SLC25A36: variants seen among roughly 807,000 people sequenced by gnomAD.
The protein encoded by SLC25A36 is solute carrier family 25 member 36.
A neutral mutation model predicts 35.3 loss-of-function variants in SLC25A36; 24 were observed. The observed-to-expected ratio is 0.68, with a 90% confidence interval of 0.49 to 0.96. The LOEUF (loss-of-function observed/expected upper bound fraction) is 0.96, where lower values mean the gene tolerates loss of function less well. Among genes scored for constraint, SLC25A36 ranks in the 40% least tolerant of loss-of-function variants. SLC25A36 has a pLI of 0.00. For missense variants in SLC25A36, 294 were observed against 381.1 expected, an observed-to-expected ratio of 0.77 and a Z score of 1.90; for synonymous variants, 141 against 132.2, an observed-to-expected ratio of 1.07 and a Z score of -0.46.
At chr3:140,946,405 T>C (rs1299492863) in intron 1 of SLC25A36, among the ~76,000 whole-genome samples, 1 of 152,200 alleles carries the variant, frequency 6.6e-6, no homozygotes, top group Non-Finnish European at 1.5e-5. Context: ...TAAAGGACTT[T>C]GACCTTTTCT....
At chr3:140,957,274 G>C (rs565163935) in intron 2 of SLC25A36, among the ~76,000 whole-genome samples, 43 of 152,264 alleles carry the variant, frequency 2.8e-4, no homozygotes, top group African/African-American at 8.4e-4. Context: ...GAATGCCTTC[G>C]TGTCTGCCTT....
In SLC25A36 at chr3:140,961,952, A is replaced by T. The variant is rs1455906126; in HGVS notation, c.285-1175A>T. Among the ~76,000 whole-genome samples, 6 of 150,966 alleles carry T rather than the reference A, an allele frequency of 4.0e-5. No individual in the cohort carries two copies. In the East Asian group the frequency reaches 1.2e-3, roughly 29 times the overall value. On this transcript the variant is annotated intron_variant, in intron 3 of 6. Transcript: ENST00000324194. The stretch of plus-strand genomic sequence containing the variant: ...GCTGGCTACTGTCCATCTTTTTTAA[A>T]TACTTACCAAATGGACTAAGAGGGA...
rs983743875 is a variant in SLC25A36 at position 140,941,862 on chromosome 3, A to G, written c.-193A>G. On this transcript the variant is annotated 5_prime_UTR_variant, in exon 1 of 7. Transcript: ENST00000324194. ...GCCTCTGGTGAAGGGCGGCGCGCTTAGGCAGGCGGTGGCGCGGCTGGAGTG... is the reference window on the plus strand; with the variant it reads ...GCCTCTGGTGAAGGGCGGCGCGCTTGGGCAGGCGGTGGCGCGGCTGGAGTG... 6 of 493,132 alleles carry G rather than the reference A, an allele frequency of 1.2e-5. No individual in the cohort carries two copies. The highest frequency in any genetic ancestry group is 6.2e-5 in the African/African-American group (3 of 48,628). 30.5% of individuals were successfully genotyped at this position (493,132 alleles called of 1,614,324 possible).
chr3:140,943,048 A>G (rs903146796), intron 1 of SLC25A36, among the ~76,000 whole-genome samples: 5 of 152,224 alleles, frequency 3.3e-5, no homozygotes, highest in Admixed American at 3.3e-4. Flanking sequence ...GATTGCCAAA[A>G]TGAGTGTTAG....
rs190280509 is a variant in SLC25A36, at chr3:140,949,668, C to G, written c.42-6859C>G. ...TGACATTTAACAGTGTTGTTAGATT[C>G]GTAACCAAGAAACTCTCCTTTCTGA... is the stretch of plus-strand genomic sequence containing the variant. On this transcript the variant is annotated intron_variant, in intron 1 of 6. Transcript: ENST00000324194. Among the ~76,000 whole-genome samples, 6 of 152,216 alleles carry G rather than the reference C, an allele frequency of 3.9e-5. No homozygotes were observed. The East Asian group carries it at 1.2e-3, about 29-fold the overall frequency.
rs9829128 is a variant in SLC25A36 at position 140,977,957 on chromosome 3, C to A, written c.*1504C>A. 2.6e-5 allele frequency: 4 copies of A among 151,842 alleles called. No homozygotes were observed. The highest frequency in any genetic ancestry group is 6.6e-5 in the Admixed American group (1 of 15,224). 9.4% of individuals were successfully genotyped at this position (151,842 alleles called of 1,614,324 possible). ...AAAAAAAAAACAAAAACATTGGTCACGTATTAGGCAGAAACAGTGTTCATA... is the reference window on the plus strand; with the variant it reads ...AAAAAAAAAACAAAAACATTGGTCAAGTATTAGGCAGAAACAGTGTTCATA... On this transcript the variant is annotated 3_prime_UTR_variant, in exon 7 of 7. Transcript: ENST00000324194.
intron 1 of SLC25A36, among the ~76,000 whole-genome samples, chr3:140,950,265 C>T (rs1050922645): frequency 6.6e-6 from 1 of 151,136 alleles, no homozygotes; most frequent in Non-Finnish European, 1.5e-5. Context: ...CCCCCCACTG[C>T]CCCTGAAGTT....
At chr3:140,948,478 G>A (rs975562069) in intron 1 of SLC25A36, among the ~76,000 whole-genome samples, 13 of 152,010 alleles carry the variant, frequency 8.6e-5, no homozygotes, top group Non-Finnish European at 1.3e-4. Context: ...CACCGTGCCC[G>A]GCCAGTGATT....
chr3:140,948,145 G>A (rs531224837), intron 1 of SLC25A36, among the ~76,000 whole-genome samples: 3 of 152,138 alleles, frequency 2.0e-5, no homozygotes, highest in African/African-American at 7.2e-5. Context: ...AGTAGAGACA[G>A]GATTTCACCA....
intron 4 of SLC25A36, among the ~76,000 whole-genome samples, chr3:140,969,335 CT>C (rs1032672468): frequency 9.9e-5 from 15 of 151,712 alleles, no homozygotes; most frequent in African/African-American, 3.4e-4. Flanking sequence ...AAAGATGTTC[CT>C]GGCAGCCTGC....
intron 5 of SLC25A36, among the ~76,000 whole-genome samples, chr3:140,971,713 C>T (rs1235624017): frequency 1.3e-5 from 2 of 152,160 alleles, no homozygotes; most frequent in Non-Finnish European, 2.9e-5. Context: ...GCCATCTCAA[C>T]TCTCCTACTG....
intron 1 of SLC25A36, among the ~76,000 whole-genome samples, chr3:140,950,225 C>T (rs968015529): frequency 6.6e-6 from 1 of 152,140 alleles, no homozygotes; most frequent in Non-Finnish European, 1.5e-5. Flanking sequence ...CCTTTCCTTT[C>T]TTGAATAACT....
intron 1 of SLC25A36, among the ~76,000 whole-genome samples, chr3:140,948,170 G>A (rs1034027422): frequency 6.6e-6 from 1 of 152,130 alleles, no homozygotes; most frequent in African/African-American, 2.4e-5. Flanking sequence ...GGTCAGGCTG[G>A]TCTTGAGCTC....
intron 1 of SLC25A36, among the ~76,000 whole-genome samples, chr3:140,949,945 A>G (rs1934273393): frequency 6.6e-6 from 1 of 152,204 alleles, no homozygotes; most frequent in Non-Finnish European, 1.5e-5. Flanking sequence ...GGGAAGTAAG[A>G]CCAGTAATGA....
At chr3:140,975,605 T>C (rs1935022876) in intron 6 of SLC25A36, among the ~76,000 whole-genome samples, 1 of 152,358 alleles carries the variant, frequency 6.6e-6, no homozygotes, top group African/African-American at 2.4e-5. Context: ...TCCCAGCTTC[T>C]ACCCACAACT....
chr3:140,958,362 G>A (rs536003935), intron 2 of SLC25A36, among the ~76,000 whole-genome samples: 9 of 152,072 alleles, frequency 5.9e-5, no homozygotes, highest in Non-Finnish European at 1.3e-4. Flanking sequence ...TCCTTTCTCT[G>A]CTGGGCATAT....
rs186711703 is a variant in SLC25A36, at chr3:140,979,298, A to T, written c.*2845A>T. 3 of 152,320 alleles carry T rather than the reference A, an allele frequency of 2.0e-5. No homozygotes were observed. The highest frequency in any genetic ancestry group is 4.4e-5 in the Non-Finnish European group (3 of 67,998). The allele number at this position is 152,320 out of a possible 1,614,324, so 9.4% of individuals were successfully genotyped here. A position where few individuals can be genotyped will look rare whatever the true frequency, so the allele number is the denominator to read the frequency against. ...TCTATTACTGGGTTACAGACATTTCAGCATTTTTAGGTTGGTTTTAAATCA... is the reference window on the plus strand; with the variant it reads ...TCTATTACTGGGTTACAGACATTTCTGCATTTTTAGGTTGGTTTTAAATCA... On this transcript the variant is annotated 3_prime_UTR_variant, in exon 7 of 7. Coordinates refer to ENST00000324194, the MANE Select transcript of SLC25A36 (RefSeq NM_001104647.3).
chr3:140,969,032 C>T (rs1451555962), intron 4 of SLC25A36, among the ~76,000 whole-genome samples: 3 of 151,730 alleles, frequency 2.0e-5, no homozygotes, highest in Non-Finnish European at 4.4e-5. Flanking sequence ...CTTAATTTTG[C>T]TGTACAGACA....
At chr3:140,955,657 T>G (rs939387577) in intron 1 of SLC25A36, among the ~76,000 whole-genome samples, 2 of 152,126 alleles carry the variant, frequency 1.3e-5, no homozygotes, top group African/African-American at 4.8e-5. Flanking sequence ...TTTCCACGTG[T>G]AGGCCTGACA....
Sources: gnomAD v4.1 joint callset for allele counts (sites outside exome capture counted in the v4.1 genomes callset) on GRCh38, gnomAD v4.1.1 for gene constraint, MANE v1.5 for transcripts, NCBI Gene and HGNC (gene_info 2026-07-23, HGNC 2026-07-21) for gene names.